DR1: variants seen among roughly 807,000 people sequenced by gnomAD.
DR1 encodes the protein protein Dr1.
In DR1, 7 loss-of-function variants were observed where a neutral mutation model predicts 19.9. That is an observed-to-expected ratio of 0.35 (90% CI 0.20 to 0.66). DR1 has a LOEUF of 0.66. Among genes scored for constraint, DR1 ranks in the 30% least tolerant of loss-of-function variants. The pLI is 0.66. For missense variants in DR1, 98 were observed against 203.7 expected (o/e 0.48, Z 3.16); for synonymous variants, 76 against 72.5 (o/e 1.05, Z -0.24).
chr1:93,350,229 G>A (rs1271864611), intron 1 of DR1, among the ~76,000 whole-genome samples: 2 of 152,094 alleles, frequency 1.3e-5, no homozygotes, highest in Non-Finnish European at 2.9e-5. Flanking sequence ...AGGATATTAA[G>A]ATAAATGATA....
rs55792701 is a variant in DR1, at chr1:93,362,826, C to CTTTTTTTTTTTTTTT, written c.*2201_*2215dup. On this transcript the variant is annotated 3_prime_UTR_variant, in exon 3 of 3. Coordinates refer to ENST00000370272, the MANE Select transcript of DR1 (RefSeq NM_001938.3). ...GCAATATTTTATTTTTAGGTTTTTT[C>CTTTTTTTTTTTTTTT]TTTTTTTTTTTTTTTTTTTTTTTTT... 4 of 52,848 alleles carry CTTTTTTTTTTTTTTT rather than the reference C, an allele frequency of 7.6e-5. No homozygotes were observed. The highest frequency in any genetic ancestry group is 2.4e-4 in the African/African-American group (3 of 12,624). The allele number at this position is 52,848 out of a possible 1,614,324, so 3.3% of individuals were successfully genotyped here.
In DR1 at chr1:93,346,634, C is replaced by A. The variant is rs1480892201; in HGVS notation, c.-12C>A. On this transcript the variant is annotated 5_prime_UTR_variant, in exon 1 of 3. Transcript: ENST00000370272. ...TTTTTAAAAGCCGGGGCGCGAGAAA[C>A]AGGAAGGTACTATGGCTTCCTCGTC... 1.9e-6 allele frequency: 3 copies of A among 1,609,754 alleles called. No homozygotes were observed. The highest frequency in any genetic ancestry group is 1.3e-5 in the African/African-American group (1 of 74,740).
chr1:93,364,199 A>G lies in DR1; in HGVS notation c.*3560A>G, dbSNP rs1667091694. ...TGTACCAAATGAGTTATATTGCAGC[A>G]GGTATGTTGTTAATTTCATATAACA... On this transcript the variant is annotated 3_prime_UTR_variant, in exon 3 of 3. Coordinates refer to ENST00000370272, the MANE Select transcript of DR1 (RefSeq NM_001938.3). 1 of 152,358 alleles carries G rather than the reference A, an allele frequency of 6.6e-6. No homozygotes were observed. Among genetic ancestry groups the G allele is most frequent in the East Asian group, 1.9e-4 (1 of 5,190 alleles). The allele number at this position is 152,358 out of a possible 1,614,324, so 9.4% of individuals were successfully genotyped here. A position where few individuals can be genotyped will look rare whatever the true frequency, so the allele number is the denominator to read the frequency against.
intron 1 of DR1, among the ~76,000 whole-genome samples, chr1:93,347,898 A>G (rs914528328): frequency 6.6e-6 from 1 of 152,128 alleles, no homozygotes; most frequent in Non-Finnish European, 1.5e-5. Context: ...AAAGTTATTG[A>G]TTGCTTGTGA....
chr1:93,352,242 T>C (rs1222266391), intron 1 of DR1, among the ~76,000 whole-genome samples: 2 of 152,154 alleles, frequency 1.3e-5, no homozygotes, highest in Non-Finnish European at 2.9e-5. Context: ...CCAATTTTTT[T>C]TGTATTTTTA....
Position 93,360,749 on chromosome 1 carries a change from A to G in DR1, c.*110A>G. ...TTGTATGCATCTTGGTGGACTTGTC[A>G]TTGGTATTCTAGGGATGTCTGCTAT... On this transcript the variant is annotated 3_prime_UTR_variant, in exon 3 of 3. Coordinates refer to ENST00000370272, the MANE Select transcript of DR1 (RefSeq NM_001938.3). 1 of 1,234,582 alleles carries G rather than the reference A, an allele frequency of 8.1e-7. No individual in the cohort carries two copies. 76.5% of individuals were successfully genotyped at this position (1,234,582 alleles called of 1,614,324 possible). A position where few individuals can be genotyped will look rare whatever the true frequency, so the allele number is the denominator to read the frequency against.
At chr1:93,356,476 C>T (rs1666986554) in intron 2 of DR1, among the ~76,000 whole-genome samples, 1 of 151,992 alleles carries the variant, frequency 6.6e-6, no homozygotes, top group African/African-American at 2.4e-5. Flanking sequence ...GATACAGGGC[C>T]GTGGTAGCTA....
chr1:93,368,880 A>T lies in DR1; in HGVS notation c.*8241A>T, dbSNP rs1375960887. 6.6e-6 allele frequency: 1 copy of T among 152,200 alleles called. No homozygotes were observed. Among genetic ancestry groups the T allele is most frequent in the Non-Finnish European group, 1.5e-5 (1 of 68,022 alleles). 9.4% of individuals were successfully genotyped at this position (152,200 alleles called of 1,614,324 possible). ...AGGAAACTAAGATTCCAAGAAATTA[A>T]GTACTGTTGGCCCTCTGTGTCTGGG... On this transcript the variant is annotated 3_prime_UTR_variant, in exon 3 of 3. Transcript: ENST00000370272.
rs1421562985 is a variant in DR1 at position 93,360,686 on chromosome 1, C to T, written c.*47C>T. The T allele has an allele frequency of 2.6e-6, 4 of 1,556,788 alleles. No individual in the cohort carries two copies. The highest frequency in any genetic ancestry group is 3.5e-6 in the Non-Finnish European group (4 of 1,159,250). On this transcript the variant is annotated 3_prime_UTR_variant, in exon 3 of 3. Coordinates refer to ENST00000370272, the MANE Select transcript of DR1 (RefSeq NM_001938.3). ...TTTCTTCTATAAATGTTTTTCCCTG[C>T]ACAACAAAAACAGTGAAAGAAATGC...
chr1:93,354,908 G>C (rs1280185930), intron 2 of DR1: 2 of 152,122 alleles, frequency 1.3e-5, no homozygotes, highest in African/African-American at 4.8e-5. Context: ...CATTTATTGA[G>C]TTCTAACCAC....
At chr1:93,350,840 A>G (rs1225581353) in intron 1 of DR1, among the ~76,000 whole-genome samples, 5 of 152,208 alleles carry the variant, frequency 3.3e-5, no homozygotes, top group Non-Finnish European at 4.4e-5. Flanking sequence ...CTGTTTTGGA[A>G]AGATGAGATC....
At chr1:93,357,370 G>T (rs893619336) in intron 2 of DR1, among the ~76,000 whole-genome samples, 2 of 152,014 alleles carry the variant, frequency 1.3e-5, no homozygotes, top group African/African-American at 4.8e-5. Context: ...ACCAAGCAAG[G>T]TGGCACCTTC....
Position 93,368,116 on chromosome 1 carries a change from T to C in DR1, c.*7477T>C, listed in dbSNP as rs1348963509. On this transcript the variant is annotated 3_prime_UTR_variant, in exon 3 of 3. Transcript: ENST00000370272. ...TAATAGTTTTTTTACATATGTTATT[T>C]CATTTGTTTATTTCCTCTGTGAGGG... 1 of 152,224 alleles carries C rather than the reference T, an allele frequency of 6.6e-6. No individual in the cohort carries two copies. Among genetic ancestry groups the C allele is most frequent in the Admixed American group, 6.5e-5 (1 of 15,284 alleles). 9.4% of individuals were successfully genotyped at this position (152,224 alleles called of 1,614,324 possible).
chr1:93,348,652 T>A (rs985094089), intron 1 of DR1, among the ~76,000 whole-genome samples: 9 of 152,130 alleles, frequency 5.9e-5, no homozygotes, highest in African/African-American at 2.2e-4. Context: ...CAGTTTAATG[T>A]GTGAGTCAGA....
rs1043379975 is a variant in DR1, at chr1:93,366,512, A to G, written c.*5873A>G. On this transcript the variant is annotated 3_prime_UTR_variant, in exon 3 of 3. Transcript: ENST00000370272. ...CAATGTTGTTGATAGGTTCTGGGAA[A>G]CTGCGAGTTTAAGAAAAACAACATA... The G allele has an allele frequency of 6.6e-6, 1 of 152,228 alleles. No individual in the cohort carries two copies. The highest frequency in any genetic ancestry group is 2.4e-5 in the African/African-American group (1 of 41,462). The allele number at this position is 152,228 out of a possible 1,614,324, so 9.4% of individuals were successfully genotyped here. A position where few individuals can be genotyped will look rare whatever the true frequency, so the allele number is the denominator to read the frequency against.
chr1:93,348,899 A>T (rs1029083576), intron 1 of DR1, among the ~76,000 whole-genome samples: 3 of 152,000 alleles, frequency 2.0e-5, no homozygotes, highest in Non-Finnish European at 2.9e-5. Flanking sequence ...TTGTTTTGAG[A>T]GATTACATTT....
At position 93,353,848 on chromosome 1, in the gene DR1, G is replaced by A. The variant is rs1478816066; in HGVS notation, c.221-60G>A. ...AAGCCCACAAAAACTTTAGGTCTAC[G>A]GGTTGGGGGAAAGCTGTGTTTTATC... On this transcript the variant is annotated intron_variant, in intron 1 of 2. Transcript: ENST00000370272. The A allele has an allele frequency of 2.1e-5, 30 of 1,411,750 alleles. No homozygotes were observed. In the South Asian group the frequency reaches 2.6e-4, roughly 12 times the overall value. 87.5% of individuals were successfully genotyped at this position (1,411,750 alleles called of 1,614,324 possible).
intron 2 of DR1, 65 bp from the exon 3 acceptor site, chr1:93,360,428 A>G: frequency 6.9e-7 from 1 of 1,439,272 alleles, no homozygotes. Context: ...TCTACATTTA[A>G]CCAAAGTGTA....
intron 1 of DR1, among the ~76,000 whole-genome samples, chr1:93,350,002 G>A (rs192304342): frequency 4.6e-5 from 7 of 152,296 alleles, no homozygotes; most frequent in Non-Finnish European, 8.8e-5. Context: ...GAAAGTGGAC[G>A]TAAGTAGTAA....
Sources: gnomAD v4.1 joint callset for allele counts (sites outside exome capture counted in the v4.1 genomes callset) on GRCh38, gnomAD v4.1.1 for gene constraint, MANE v1.5 for transcripts, NCBI Gene and HGNC (gene_info 2026-07-23, HGNC 2026-07-21) for gene names.